ASIC2: variants seen among roughly 807,000 people sequenced by gnomAD.
The protein encoded by ASIC2 is acid sensing ion channel subunit 2.
In ASIC2, 25 loss-of-function variants were observed where a neutral mutation model predicts 57.3. The observed-to-expected ratio is 0.44, with a 90% CI of 0.32 to 0.61. The LOEUF is 0.61. Ranked by LOEUF, ASIC2 falls within the 20% of genes least tolerant of loss-of-function variation. The pLI is 0.06. For synonymous variants in ASIC2, 319 were observed against 307.5 expected, an observed-to-expected ratio of 1.04 and a Z score of -0.39; for missense variants, 641 against 738.1, an observed-to-expected ratio of 0.87 and a Z score of 1.52.
intron 1 of ASIC2, among the ~76,000 whole-genome samples, chr17:33,269,617 T>TC (rs537289212): frequency 7.8e-4 from 27 of 34,762 alleles, no homozygotes; most frequent in African/African-American, 2.7e-3. Context: ...CTCCTTCCCT[T>TC]CCTTCCTTCC....
chr17:33,238,875 G>A (rs911357916), intron 1 of ASIC2, among the ~76,000 whole-genome samples: 5 of 152,128 alleles, frequency 3.3e-5, no homozygotes, highest in Non-Finnish European at 5.9e-5. Flanking sequence ...ATGGTGGTGC[G>A]TGCCTGTAAT....
chr17:33,493,359 T>A (rs1913819603), intron 1 of ASIC2, among the ~76,000 whole-genome samples: 1 of 152,202 alleles, frequency 6.6e-6, no homozygotes, highest in Non-Finnish European at 1.5e-5. Context: ...AGAAATAATA[T>A]GGAGACATCT....
At position 33,958,139 on chromosome 17, in the gene ASIC2, A is replaced by G. The variant is rs1904798489; in HGVS notation, c.555+197839T>C. On this transcript the variant is annotated intron_variant, in intron 1 of 9. Transcript: ENST00000359872. ...AGCTCCCACAGCCTTGGGCAGCTCC[A>G]TCACTGTGGCTTTGCAGGTACAGCT... 2.0e-5 allele frequency among the ~76,000 whole-genome samples: 3 copies of G among 152,360 alleles called. No individual in the cohort carries two copies. The South Asian group carries it at 6.2e-4, about 32-fold the overall frequency.
chr17:33,228,569 T>G (rs1001109146), intron 1 of ASIC2, among the ~76,000 whole-genome samples: 10 of 152,332 alleles, frequency 6.6e-5, no homozygotes, highest in African/African-American at 2.4e-4. Context: ...CTCATGAGTG[T>G]GTAGCACCCA....
chr17:33,492,644 C>A (rs1233251167), intron 1 of ASIC2, among the ~76,000 whole-genome samples: 1 of 152,196 alleles, frequency 6.6e-6, no homozygotes, highest in African/African-American at 2.4e-5. Context: ...TGAAGTCCTG[C>A]ACAATCCAGA....
Position 33,447,203 on chromosome 17 carries a change from T to C in ASIC2, c.556-335136A>G, listed in dbSNP as rs142452031. ...GTTGATTACATGTAGTTGTCTGCAA[T>C]TGAACGGTAGTGGGGGTTGAGGTGG... On this transcript the variant is annotated intron_variant, in intron 1 of 9. Transcript: ENST00000359872. Among the ~76,000 whole-genome samples, 15 of 152,286 alleles carry C rather than the reference T, an allele frequency of 9.8e-5. 1 individual carries two copies. The highest frequency in any genetic ancestry group is 3.6e-4 in the African/African-American group (15 of 41,566).
At chr17:33,838,657 C>T (rs1913341380) in intron 1 of ASIC2, among the ~76,000 whole-genome samples, 1 of 152,068 alleles carries the variant, frequency 6.6e-6, no homozygotes, top group South Asian at 2.1e-4. Context: ...TGCCTCTGTA[C>T]ACAACAATAG....
At chr17:33,357,749 T>C (rs892539295) in intron 1 of ASIC2, among the ~76,000 whole-genome samples, 9 of 152,300 alleles carry the variant, frequency 5.9e-5, no homozygotes, top group Middle Eastern at 3.4e-3. Context: ...AGGAGAGTCA[T>C]CTGTGAGTGG....
At position 33,914,869 on chromosome 17, in the gene ASIC2, G is replaced by C. The variant is rs140244512; in HGVS notation, c.555+241109C>G. On this transcript the variant is annotated intron_variant, in intron 1 of 9. Transcript: ENST00000359872. ...AAATGCTTACGAAGTAGTCACAGTT[G>C]ATCGATCAGGTGACAAGAATGCCCA... Among the ~76,000 whole-genome samples, 3 of 152,342 alleles carry C rather than the reference G, an allele frequency of 2.0e-5. No individual in the cohort carries two copies. The East Asian group carries it at 5.8e-4, about 29-fold the overall frequency.
chr17:33,018,468 G>T (rs1164279471), intron 7 of ASIC2, among the ~76,000 whole-genome samples: 3 of 152,232 alleles, frequency 2.0e-5, no homozygotes, highest in Non-Finnish European at 4.4e-5. Context: ...GAGGACTTCA[G>T]ATGGCTGGAG....
intron 1 of ASIC2, among the ~76,000 whole-genome samples, chr17:33,953,093 A>G (rs1006962372): frequency 2.0e-5 from 3 of 152,216 alleles, no homozygotes; most frequent in Admixed American, 6.5e-5. Flanking sequence ...ATTAGAAACA[A>G]AACTATATAT....
rs1311197909 is a variant in ASIC2, at chr17:33,562,236, A to G, written c.556-450169T>C. Among the ~76,000 whole-genome samples, 5 of 151,630 alleles carry G rather than the reference A, an allele frequency of 3.3e-5. 1 individual carries two copies. In the South Asian group the frequency reaches 8.3e-4, roughly 25 times the overall value. On this transcript the variant is annotated intron_variant, in intron 1 of 9. Coordinates refer to the ASIC2 transcript ENST00000359872. ...CTTGTAACACATTTTTTTTTTTTCT[A>G]AATGGCTGTTTTTATGCAGGGGCTA...
At chr17:33,921,113 T>C (rs1480661264) in intron 1 of ASIC2, among the ~76,000 whole-genome samples, 4 of 152,220 alleles carry the variant, frequency 2.6e-5, no homozygotes, top group Admixed American at 1.3e-4. Context: ...CGCTGTGTCA[T>C]GAAATTAAAT....
intron 1 of ASIC2, among the ~76,000 whole-genome samples, chr17:33,748,821 T>C (rs1205504574): frequency 1.3e-5 from 2 of 152,232 alleles, no homozygotes; most frequent in African/African-American, 4.8e-5. Flanking sequence ...CTGTACACAA[T>C]AGACTTTTAA....
At chr17:33,796,942 A>G (rs1184636793) in intron 1 of ASIC2, among the ~76,000 whole-genome samples, 1 of 152,132 alleles carries the variant, frequency 6.6e-6, no homozygotes, top group African/African-American at 2.4e-5. Flanking sequence ...TTATACATAG[A>G]GACTCAAGTA....
intron 3 of ASIC2, among the ~76,000 whole-genome samples, chr17:33,088,243 C>G (rs750128661): frequency 5.5e-4 from 83 of 152,186 alleles, no homozygotes; most frequent in Non-Finnish European, 1.6e-4. Context: ...TTGAGACTGC[C>G]TCCTTACTGA....
chr17:33,194,929 A>T (rs974630577), intron 1 of ASIC2, among the ~76,000 whole-genome samples: 2 of 152,198 alleles, frequency 1.3e-5, no homozygotes, highest in Non-Finnish European at 2.9e-5. Context: ...GGGGAAAGAC[A>T]ACAAGTTTAA....
chr17:33,250,177 T>C (rs916395158), intron 1 of ASIC2, among the ~76,000 whole-genome samples: 1 of 152,260 alleles, frequency 6.6e-6, no homozygotes, highest in African/African-American at 2.4e-5. Context: ...ATACTGTGTT[T>C]AAGCTACCAG....
chr17:33,215,152 C>T (rs1907427704), intron 1 of ASIC2, among the ~76,000 whole-genome samples: 1 of 152,156 alleles, frequency 6.6e-6, no homozygotes, highest in African/African-American at 2.4e-5. Context: ...GATCTCTCAC[C>T]AGTCAAAATA....
Sources: gnomAD v4.1 joint callset for allele counts (sites outside exome capture counted in the v4.1 genomes callset) on GRCh38, gnomAD v4.1.1 for gene constraint, MANE v1.5 for transcripts, NCBI Gene and HGNC (gene_info 2026-07-23, HGNC 2026-07-21) for gene names.